PARD3: variants seen among roughly 807,000 people sequenced by gnomAD.
The protein encoded by PARD3 is partitioning defective 3 homolog.
Under a neutral mutation model 155.4 loss-of-function variants are expected in PARD3, and 75 were observed. The ratio of observed to expected loss-of-function variants is 0.48; its 90% CI spans 0.40 to 0.58. PARD3 has a LOEUF of 0.58. Among genes scored for constraint, PARD3 ranks in the 20% least tolerant of loss-of-function variants. The probability of loss-of-function intolerance (pLI) is 0.00; values close to 1 mark genes in which losing one functional copy is unlikely to be tolerated. For synonymous variants in PARD3, 576 were observed against 610.5 expected, an observed-to-expected ratio of 0.94 and a Z score of 0.83; for missense variants, 1,642 against 1,721.7, an observed-to-expected ratio of 0.95 and a Z score of 0.82.
chr10:34,655,808 T>G (rs1483785118), intron 2 of PARD3, among the ~76,000 whole-genome samples: 1 of 152,112 alleles, frequency 6.6e-6, no homozygotes, highest in Non-Finnish European at 1.5e-5. Context: ...ACCAGGAAAT[T>G]GGGCTTTTAA....
At chr10:34,119,859 T>G (rs557225432) in intron 23 of PARD3, 119 bp from the exon 24 acceptor site, 6 of 969,106 alleles carry the variant, frequency 6.2e-6, no homozygotes, top group Non-Finnish European at 7.1e-6. Context: ...ATTCTGTGAT[T>G]TGTTTTTCAA....
chr10:34,236,393 C>T (rs994321229), intron 22 of PARD3, among the ~76,000 whole-genome samples: 2 of 152,134 alleles, frequency 1.3e-5, no homozygotes, highest in East Asian at 3.9e-4. Context: ...ACCACCTTTA[C>T]TAAAGTTTTC....
chr10:34,609,026 T>C (rs1230785249), intron 2 of PARD3, among the ~76,000 whole-genome samples: 1 of 152,200 alleles, frequency 6.6e-6, no homozygotes, highest in Non-Finnish European at 1.5e-5. Context: ...AGATAACCCC[T>C]GTTAACAGAT....
At chr10:34,148,481 T>C (rs755442787) in intron 22 of PARD3, among the ~76,000 whole-genome samples, 1 of 152,196 alleles carries the variant, frequency 6.6e-6, no homozygotes, top group African/African-American at 2.4e-5. Context: ...ACAACAGACC[T>C]CCACTGACAT....
intron 2 of PARD3, among the ~76,000 whole-genome samples, chr10:34,679,743 T>G (rs1372020626): frequency 6.6e-6 from 1 of 152,128 alleles, no homozygotes; most frequent in Non-Finnish European, 1.5e-5. Context: ...CTCACTGAAC[T>G]GAAGTTGAGC....
chr10:34,328,009 C>T (rs912669796), intron 19 of PARD3, among the ~76,000 whole-genome samples: 6 of 152,078 alleles, frequency 3.9e-5, no homozygotes, highest in South Asian at 2.1e-4. Context: ...ACAAGCCAGA[C>T]GCTGAAAATG....
intron 2 of PARD3, among the ~76,000 whole-genome samples, chr10:34,547,770 G>GA (rs1388009830): frequency 6.6e-6 from 1 of 151,820 alleles, no homozygotes; most frequent in East Asian, 1.9e-4. Context: ...ATGGAAAAAA[G>GA]AAAAAAACAT....
At chr10:34,383,353 T>C (rs190843418) in intron 8 of PARD3, among the ~76,000 whole-genome samples, 12 of 151,668 alleles carry the variant, frequency 7.9e-5, no homozygotes, top group Admixed American at 3.3e-4. Flanking sequence ...ATTTAGAATA[T>C]TGGATTGGGT....
At chr10:34,498,125 A>G (rs1055716001) in intron 3 of PARD3, among the ~76,000 whole-genome samples, 3 of 151,910 alleles carry the variant, frequency 2.0e-5, no homozygotes, top group South Asian at 2.1e-4. Context: ...AAGTAGGCAG[A>G]AAAAAAACAA....
intron 2 of PARD3, among the ~76,000 whole-genome samples, chr10:34,533,169 T>A (rs1386454435): frequency 6.6e-6 from 1 of 152,254 alleles, no homozygotes; most frequent in Non-Finnish European, 1.5e-5. Flanking sequence ...ATATTGTTAT[T>A]CAGTAAATGA....
chr10:34,742,413 C>T (rs2095035397), intron 1 of PARD3, among the ~76,000 whole-genome samples: 1 of 152,164 alleles, frequency 6.6e-6, no homozygotes. Flanking sequence ...AATCCACTGC[C>T]ACAACAGATC....
intron 5 of PARD3, among the ~76,000 whole-genome samples, chr10:34,405,754 C>T (rs77546240): frequency 0.067 from 10,176 of 152,202 alleles, 454 homozygotes; most frequent in Non-Finnish European, 0.095. Context: ...CACCGCTAGC[C>T]AGAGTATCTT....
At chr10:34,391,927 G>A (rs1045670929) in intron 7 of PARD3, among the ~76,000 whole-genome samples, 2 of 152,200 alleles carry the variant, frequency 1.3e-5, no homozygotes, top group African/African-American at 4.8e-5. Flanking sequence ...AGGCCGAGGT[G>A]GGTGGATCAC....
intron 7 of PARD3, among the ~76,000 whole-genome samples, chr10:34,396,061 A>G (rs2132137857): frequency 6.6e-6 from 1 of 152,114 alleles, no homozygotes; most frequent in South Asian, 2.1e-4. Flanking sequence ...TTATTTTAAA[A>G]AACTTAAGCC....
chr10:34,782,672 A>G (rs1271746135), intron 1 of PARD3, among the ~76,000 whole-genome samples: 2 of 151,878 alleles, frequency 1.3e-5, no homozygotes, highest in Non-Finnish European at 2.9e-5. Flanking sequence ...CTCTACACCA[A>G]CTTTATTCCA....
intron 14 of PARD3, among the ~76,000 whole-genome samples, chr10:34,357,788 C>A (rs1206984232): frequency 1.3e-5 from 2 of 152,142 alleles, no homozygotes; most frequent in Non-Finnish European, 2.9e-5. Flanking sequence ...TTACTGTTAA[C>A]TCATTCTACA....
chr10:34,455,975 A>C (rs2077317331), intron 4 of PARD3, among the ~76,000 whole-genome samples: 1 of 152,230 alleles, frequency 6.6e-6, no homozygotes, highest in Admixed American at 6.5e-5. Context: ...TATACATCTT[A>C]CTTTTCCTTT....
intron 22 of PARD3, among the ~76,000 whole-genome samples, chr10:34,245,674 C>T (rs1564515221): frequency 6.6e-6 from 1 of 152,158 alleles, no homozygotes; most frequent in Non-Finnish European, 1.5e-5. Context: ...ATCAATAACA[C>T]TCCGGAACTA....
At chr10:34,672,733 G>A (rs2133258277) in intron 2 of PARD3, among the ~76,000 whole-genome samples, 1 of 152,274 alleles carries the variant, frequency 6.6e-6, no homozygotes, top group East Asian at 1.9e-4. Flanking sequence ...TGCCTTTCAG[G>A]AAATATGTAT....
Sources: gnomAD v4.1 joint callset for allele counts (sites outside exome capture counted in the v4.1 genomes callset) on GRCh38, gnomAD v4.1.1 for gene constraint, MANE v1.5 for transcripts, NCBI Gene and HGNC (gene_info 2026-07-23, HGNC 2026-07-21) for gene names.